Variants in NEURL1B observed in about 807,000 individuals in gnomAD.
The protein encoded by NEURL1B is neuralized E3 ubiquitin protein ligase 1B, also known as E3 ubiquitin-protein ligase NEURL1B.
In NEURL1B, 13 loss-of-function variants were observed where a neutral mutation model predicts 37.4. The observed-to-expected ratio is 0.35, with a 90% CI of 0.23 to 0.55. NEURL1B has a LOEUF of 0.55. Among genes scored for constraint, NEURL1B ranks in the 20% least tolerant of loss-of-function variants. The pLI, the probability that NEURL1B is intolerant of heterozygous loss-of-function variation, is 0.89. For synonymous variants in NEURL1B, 432 were observed against 426.6 expected (o/e 1.01, Z -0.16); for missense variants, 790 against 879.2 (o/e 0.90, Z 1.28).
chr5:172,644,304 C>A (rs1056763689), intron 1 of NEURL1B, among the ~76,000 whole-genome samples: 1 of 152,082 alleles, frequency 6.6e-6, no homozygotes. Context: ...AGTGGCTTGT[C>A]CCAGCTCACA....
chr5:172,671,968 CTG>C (rs1385851676), intron 2 of NEURL1B, among the ~76,000 whole-genome samples: 1 of 152,252 alleles, frequency 6.6e-6, no homozygotes, highest in African/African-American at 2.4e-5. Flanking sequence ...GGCCAGGTAA[CTG>C]AAACTTTCTG....
chr5:172,670,160 A>G lies in NEURL1B; in HGVS notation c.407A>G (p.Asn136Ser), dbSNP rs1474472856. 6.7e-7 allele frequency: 1 copy of G among 1,497,804 alleles called. No individual in the cohort carries two copies. The highest frequency in any genetic ancestry group is 2.6e-5 in the East Asian group (1 of 38,670). 92.8% of individuals were successfully genotyped at this position (1,497,804 alleles called of 1,614,324 possible). Residue 136 changes from asparagine to serine, a missense_variant, in exon 2 of 5, where the codon AAC (asparagine) becomes AGC (serine). Transcript: ENST00000369800. ...PGYWAKALPE[N>S]LALRDTVLAY... ...TACTGGGCCAAGGCACTGCCCGAGA[A>G]CCTGGCGCTGCGCGACACGGTGCTG...
In NEURL1B at chr5:172,657,782, C is replaced by T. The variant is rs1757822879; in HGVS notation, c.32-12003C>T. ...AGGCTGGATATTATCCAGGCCTGCC[C>T]GCAGTCATCCGGAGGCCTAAACCCC... On this transcript the variant is annotated intron_variant, in intron 1 of 4. Transcript: ENST00000369800. This position sits in a 1 kb window ranked among gnomAD's most constrained non-coding sequence, Gnocchi z 4.0. Among the ~76,000 whole-genome samples, 1 of 152,134 alleles carries T rather than the reference C, an allele frequency of 6.6e-6. No individual in the cohort carries two copies. Among genetic ancestry groups the T allele is most frequent in the South Asian group, 2.1e-4 (1 of 4,832 alleles).
chr5:172,656,018 G>A (rs1418954326), intron 1 of NEURL1B, among the ~76,000 whole-genome samples: 3 of 152,242 alleles, frequency 2.0e-5, no homozygotes, highest in Admixed American at 6.5e-5. Flanking sequence ...GAGCAATGAT[G>A]AGTGCACACT....
rs1757904985 is a variant in NEURL1B at position 172,661,689 on chromosome 5, C to G, written c.32-8096C>G. Among the ~76,000 whole-genome samples the G allele has an allele frequency of 6.6e-6, 1 of 152,256 alleles. No homozygotes were observed. Among genetic ancestry groups the G allele is most frequent in the African/African-American group, 2.4e-5 (1 of 41,474 alleles). On this transcript the variant is annotated intron_variant, in intron 1 of 4. Coordinates refer to ENST00000369800, the MANE Select transcript of NEURL1B (RefSeq NM_001142651.3). The surrounding 1 kb of genome is among the most constrained non-coding windows in gnomAD (Gnocchi z 4.0). ...ATTCCCTTTCCTGGTGGAGAGGAAT[C>G]TGCTGAAAACCTCAGCCAGCATGCC...
At position 172,647,307 on chromosome 5, in the gene NEURL1B, C is replaced by A. The variant is rs1757577358; in HGVS notation, c.31+5870C>A. Among the ~76,000 whole-genome samples the A allele has an allele frequency of 6.6e-6, 1 of 152,134 alleles. No individual in the cohort carries two copies. Among genetic ancestry groups the A allele is most frequent in the Admixed American group, 6.5e-5 (1 of 15,286 alleles). ...TAGCACACGCTCACCTGGGCAGTGT[C>A]GCGGGGTGGTCCGAGCTTCTGCACA... is the stretch of plus-strand genomic sequence containing the variant. On this transcript the variant is annotated intron_variant, in intron 1 of 4. Coordinates refer to ENST00000369800, the MANE Select transcript of NEURL1B (RefSeq NM_001142651.3). The surrounding 1 kb of genome is among the most constrained non-coding windows in gnomAD (Gnocchi z 4.2).
intron 1 of NEURL1B, among the ~76,000 whole-genome samples, chr5:172,658,017 C>T (rs1168688439): frequency 1.3e-5 from 2 of 152,138 alleles, no homozygotes; most frequent in Admixed American, 1.3e-4. Context: ...GAGGGAAGGG[C>T]CCCCTGTCCA....
At chr5:172,645,026 C>T (rs543253295) in intron 1 of NEURL1B, among the ~76,000 whole-genome samples, 1 of 152,330 alleles carries the variant, frequency 6.6e-6, no homozygotes, top group African/African-American at 2.4e-5. Flanking sequence ...AGTTGGCCCA[C>T]GCTTGACCGA....
chr5:172,655,361 C>G (rs927218852), intron 1 of NEURL1B, among the ~76,000 whole-genome samples: 4 of 152,316 alleles, frequency 2.6e-5, no homozygotes, highest in African/African-American at 9.6e-5. Flanking sequence ...CTTTCCCCCT[C>G]TGAAGGTCCT....
At chr5:172,684,160 C>T in intron 3 of NEURL1B, 22 bp downstream of exon 3, 1 of 1,221,794 alleles carries the variant, frequency 8.2e-7, no homozygotes, top group South Asian at 3.5e-5. Context: ...GCCCCGCGTG[C>T]GCGAGGCCCC....
At chr5:172,670,429 C>T in intron 2 of NEURL1B, 99 bp downstream of exon 2, 1 of 992,676 alleles carries the variant, frequency 1.0e-6, no homozygotes, top group Non-Finnish European at 1.3e-6. Context: ...TGGAGAGCTC[C>T]TTTTGCCAGG....
In NEURL1B at chr5:172,687,714, C is replaced by T. The variant is rs555135963; in HGVS notation, c.*789C>T. The T allele has an allele frequency of 3.9e-5, 6 of 152,176 alleles. No individual in the cohort carries two copies. The South Asian group carries it at 8.3e-4, about 21-fold the overall frequency. The allele number at this position is 152,176 out of a possible 1,614,324, so 9.4% of individuals were successfully genotyped here. A position where few individuals can be genotyped will look rare whatever the true frequency, so the allele number is the denominator to read the frequency against. ...TAATACACACATCATACCTTGTCTC[C>T]GTCTCTGGAGGCAAGTCTCTGTAAT... is the stretch of plus-strand genomic sequence containing the variant. On this transcript the variant is annotated 3_prime_UTR_variant, in exon 5 of 5. Transcript: ENST00000369800.
chr5:172,672,534 G>A (rs1758148008), intron 2 of NEURL1B, among the ~76,000 whole-genome samples: 1 of 91,714 alleles, frequency 1.1e-5, no homozygotes, highest in South Asian at 4.1e-4. Flanking sequence ...TCTGTGAGGT[G>A]AACTCTCCCC....
Position 172,690,832 on chromosome 5 carries a change from A to G in NEURL1B, c.*3907A>G, listed in dbSNP as rs1381051824. On this transcript the variant is annotated 3_prime_UTR_variant, in exon 5 of 5. Coordinates refer to ENST00000369800, the MANE Select transcript of NEURL1B (RefSeq NM_001142651.3). ...GCCCCGCCGGTTGGTGATCACCCTC[A>G]GGTCCTGCCAGGGAGACACAGTGAG... 3 of 152,274 alleles carry G rather than the reference A, an allele frequency of 2.0e-5. No individual in the cohort carries two copies. Among genetic ancestry groups the G allele is most frequent in the Non-Finnish European group, 2.9e-5 (2 of 68,096 alleles). 9.4% of individuals were successfully genotyped at this position (152,274 alleles called of 1,614,324 possible). A position where few individuals can be genotyped will look rare whatever the true frequency, so the allele number is the denominator to read the frequency against.
intron 1 of NEURL1B, among the ~76,000 whole-genome samples, chr5:172,658,774 G>T (rs577083358): frequency 2.6e-5 from 4 of 152,150 alleles, no homozygotes; most frequent in South Asian, 4.2e-4. Flanking sequence ...CTCCATCACC[G>T]TCAGGAGGTT....
chr5:172,641,495 C>CA lies in NEURL1B; in HGVS notation c.31+58_31+59insA. On this transcript the variant is annotated intron_variant, in intron 1 of 4. Transcript: ENST00000369800. This position sits in a 1 kb window ranked among gnomAD's most constrained non-coding sequence, Gnocchi z 6.4. Reference sequence around the variant, plus strand: ...GCCGGGCTTCTCTCCTCCGGGGGACCCGCTGGGTGACTCTGGAGAGCTACC... The same window carrying CA: ...GCCGGGCTTCTCTCCTCCGGGGGACCACGCTGGGTGACTCTGGAGAGCTACC... The CA allele has an allele frequency of 8.1e-7, 1 of 1,241,898 alleles. No individual in the cohort carries two copies. The highest frequency in any genetic ancestry group is 3.1e-5 in the South Asian group (1 of 31,846). 76.9% of individuals were successfully genotyped at this position (1,241,898 alleles called of 1,614,324 possible).
chr5:172,671,675 T>C (rs563138221), intron 2 of NEURL1B, among the ~76,000 whole-genome samples: 1 of 152,264 alleles, frequency 6.6e-6, no homozygotes, highest in Non-Finnish European at 1.5e-5. Context: ...TAGTAGCCCA[T>C]GAACTGGATT....
In NEURL1B at chr5:172,670,334, G is replaced by T; in HGVS notation, c.577+4G>T. 1 of 1,351,086 alleles carries T rather than the reference G, an allele frequency of 7.4e-7. No homozygotes were observed. The allele number at this position is 1,351,086 out of a possible 1,614,324, so 83.7% of individuals were successfully genotyped here. A position where few individuals can be genotyped will look rare whatever the true frequency, so the allele number is the denominator to read the frequency against. Reference sequence around the variant, plus strand: ...ACCGACGAGGTGCAGCTTCTGGGTAGGTCGCGGGCGCGGCGCCCCCTGGGG... The same window carrying T: ...ACCGACGAGGTGCAGCTTCTGGGTATGTCGCGGGCGCGGCGCCCCCTGGGG... On this transcript the variant is annotated splice_donor_region_variant and intron_variant, in intron 2 of 4. Coordinates refer to ENST00000369800, the MANE Select transcript of NEURL1B (RefSeq NM_001142651.3).
intron 1 of NEURL1B, among the ~76,000 whole-genome samples, chr5:172,653,827 A>T (rs1394809785): frequency 1.3e-5 from 2 of 152,180 alleles, no homozygotes; most frequent in Non-Finnish European, 2.9e-5. Context: ...TTCTTGCGTA[A>T]ATTCCCTTTT....
Sources: gnomAD v4.1 joint callset for allele counts (sites outside exome capture counted in the v4.1 genomes callset) on GRCh38, gnomAD v4.1.1 for gene constraint, Gnocchi (gnomAD v3.1) non-coding constraint, MANE v1.5 for transcripts, NCBI Gene and HGNC (gene_info 2026-07-23, HGNC 2026-07-21) for gene names.